The following ADCY2 variants were observed in gnomAD, a reference collection of about 807,000 sequenced individuals.
The protein encoded by ADCY2 is adenylate cyclase 2.
A neutral mutation model predicts 125.2 loss-of-function variants in ADCY2; 31 were observed. The observed-to-expected ratio is 0.25, with a 90% CI of 0.19 to 0.33. The LOEUF (loss-of-function observed/expected upper bound fraction) is 0.33. ADCY2 is among the 10% of genes least tolerant of loss of function. ADCY2 has a pLI of 1.00. For missense variants in ADCY2, 904 were observed against 1,418.2 expected (o/e 0.64, Z 5.82); for synonymous variants, 512 against 548.4 (o/e 0.93, Z 0.93).
At chr5:7,462,449 T>C (rs1464165599) in intron 2 of ADCY2, among the ~76,000 whole-genome samples, 2 of 152,226 alleles carry the variant, frequency 1.3e-5, no homozygotes, top group Non-Finnish European at 1.5e-5. Flanking sequence ...CTTCTTGACA[T>C]TGACTAAACT....
At chr5:7,425,731 G>A (rs754654224) in intron 2 of ADCY2, among the ~76,000 whole-genome samples, 1 of 152,234 alleles carries the variant, frequency 6.6e-6, no homozygotes, top group South Asian at 2.1e-4. Context: ...AAAGGCATTT[G>A]CCTGCCGGAG....
At chr5:7,681,107 C>T (rs1188378879) in intron 4 of ADCY2, among the ~76,000 whole-genome samples, 3 of 150,554 alleles carry the variant, frequency 2.0e-5, no homozygotes, top group Non-Finnish European at 4.4e-5. Flanking sequence ...ACAGGCTTTC[C>T]GCTTTCTGAT....
At chr5:7,575,215 T>G (rs1301592771) in intron 3 of ADCY2, among the ~76,000 whole-genome samples, 1 of 152,104 alleles carries the variant, frequency 6.6e-6, no homozygotes, top group East Asian at 1.9e-4. Context: ...TGTCTGCATT[T>G]TAATATAATC....
chr5:7,549,247 T>G (rs1735249481), intron 3 of ADCY2, among the ~76,000 whole-genome samples: 1 of 152,168 alleles, frequency 6.6e-6, no homozygotes, highest in Non-Finnish European at 1.5e-5. Context: ...CTGTTGTGGA[T>G]AGTGGGCTGC....
chr5:7,632,069 T>G (rs1161357807), intron 4 of ADCY2, among the ~76,000 whole-genome samples: 5 of 152,140 alleles, frequency 3.3e-5, no homozygotes, highest in Non-Finnish European at 5.9e-5. Context: ...GTGAGAGGAA[T>G]TCAAGCCAGT....
intron 14 of ADCY2, among the ~76,000 whole-genome samples, chr5:7,730,293 G>T (rs114200499): frequency 6.6e-6 from 1 of 152,148 alleles, no homozygotes; most frequent in African/African-American, 2.4e-5. Flanking sequence ...GTTGATGAAT[G>T]CTTGCATTGG....
At chr5:7,398,664 A>C (rs1461563296) in intron 1 of ADCY2, among the ~76,000 whole-genome samples, 1 of 152,168 alleles carries the variant, frequency 6.6e-6, no homozygotes, top group African/African-American at 2.4e-5. Context: ...CCCTTCAAAG[A>C]GATAAGCTGT....
At chr5:7,824,683 G>A (rs181921921) in intron 24 of ADCY2, among the ~76,000 whole-genome samples, 1 of 152,146 alleles carries the variant, frequency 6.6e-6, no homozygotes, top group Non-Finnish European at 1.5e-5. Flanking sequence ...TGCTCATCAG[G>A]GTCCCGAGGA....
At chr5:7,484,058 G>A (rs995792567) in intron 2 of ADCY2, among the ~76,000 whole-genome samples, 5 of 152,140 alleles carry the variant, frequency 3.3e-5, no homozygotes, top group African/African-American at 1.2e-4. Context: ...GAAGTTAAAT[G>A]ATGCTCTTGT....
At chr5:7,422,209 C>CT (rs1357619002) in intron 2 of ADCY2, among the ~76,000 whole-genome samples, 6 of 148,930 alleles carry the variant, frequency 4.0e-5, no homozygotes, top group Non-Finnish European at 6.0e-5. Context: ...GTTTTTCTTT[C>CT]TTTTTTTTTT....
chr5:7,704,713 A>G (rs976515947), intron 7 of ADCY2, among the ~76,000 whole-genome samples: 3 of 152,000 alleles, frequency 2.0e-5, no homozygotes, highest in African/African-American at 7.3e-5. Context: ...CCCCGTCTCT[A>G]CCAAAAAACA....
intron 15 of ADCY2, among the ~76,000 whole-genome samples, chr5:7,748,537 C>CACACACAG (rs1553984364): frequency 7.3e-6 from 1 of 136,258 alleles, no homozygotes; most frequent in Admixed American, 7.1e-5. Context: ...CACACACACA[C>CACACACAG]ACACACACAC....
chr5:7,596,394 G>T (rs1262504420), intron 3 of ADCY2, among the ~76,000 whole-genome samples: 1 of 152,230 alleles, frequency 6.6e-6, no homozygotes, highest in Middle Eastern at 3.4e-3. Context: ...TATTTACAAT[G>T]GAGTGATCCA....
At chr5:7,688,274 G>GTT (rs56801001) in intron 4 of ADCY2, among the ~76,000 whole-genome samples, 97,845 of 147,740 alleles carry the variant, frequency 0.66, 32,738 homozygotes, top group East Asian at 0.98. Flanking sequence ...TTTTTTTGTT[G>GTT]TTTTTTTTTT....
At chr5:7,425,013 C>G (rs1205263333) in intron 2 of ADCY2, among the ~76,000 whole-genome samples, 1 of 152,160 alleles carries the variant, frequency 6.6e-6, no homozygotes, top group African/African-American at 2.4e-5. Context: ...TTCAATCCAG[C>G]CACTCGCCAG....
intron 4 of ADCY2, among the ~76,000 whole-genome samples, chr5:7,665,849 T>C (rs1321223920): frequency 8.0e-6 from 1 of 124,418 alleles, no homozygotes; most frequent in East Asian, 2.3e-4. Context: ...TTTTTTTTTT[T>C]TTTTTTTGAG....
intron 3 of ADCY2, among the ~76,000 whole-genome samples, chr5:7,594,383 G>A (rs1287110357): frequency 1.3e-5 from 2 of 152,166 alleles, no homozygotes; most frequent in African/African-American, 2.4e-5. Context: ...CAAGGTTTGG[G>A]GGATGTTGGG....
At chr5:7,650,217 G>GACAC (rs3073883) in intron 4 of ADCY2, among the ~76,000 whole-genome samples, 20,145 of 147,700 alleles carry the variant, frequency 0.14, 1,455 homozygotes, top group African/African-American at 0.18. Flanking sequence ...TGCAGGCACA[G>GACAC]ACACACACAC....
At chr5:7,559,821 G>A (rs1043462466) in intron 3 of ADCY2, among the ~76,000 whole-genome samples, 1 of 152,088 alleles carries the variant, frequency 6.6e-6, no homozygotes, top group African/African-American at 2.4e-5. Flanking sequence ...CTGCTGTTGG[G>A]GGTGAAAATG....
Sources: allele counts gnomAD v4.1 joint callset (sites outside exome capture counted in the v4.1 genomes callset), GRCh38; gene constraint gnomAD v4.1.1; transcripts MANE v1.5; gene names NCBI Gene and HGNC (gene_info 2026-07-23, HGNC 2026-07-21).